The following ANKS1B variants were observed in gnomAD, a reference collection of about 807,000 sequenced individuals.
ANKS1B encodes the protein ankyrin repeat and sterile alpha motif domain-containing protein 1B.
ANKS1B carries 36 observed loss-of-function variants against 148.3 expected under a neutral mutation model. The ratio of observed to expected loss-of-function variants is 0.24; its 90% confidence interval spans 0.19 to 0.32. ANKS1B has a LOEUF of 0.32. ANKS1B is among the 10% of genes least tolerant of loss of function. The pLI is 1.00. For synonymous variants in ANKS1B, 542 were observed against 560.8 expected, an observed-to-expected ratio of 0.97 and a Z score of 0.47; for missense variants, 1,157 against 1,542.6, an observed-to-expected ratio of 0.75 and a Z score of 4.19.
rs78866548 is a variant in ANKS1B at position 99,555,372 on chromosome 12, C to T, written c.1273-50731G>A. Among the ~76,000 whole-genome samples, 7 of 152,254 alleles carry T rather than the reference C, an allele frequency of 4.6e-5. No individual in the cohort carries two copies. In the East Asian group the frequency reaches 1.4e-3, roughly 29 times the overall value. ...CTATATGGTTTTCTAGATATGGAATCACACACCTTCAAACAGAAATAGTTT... is the reference window on the plus strand; with the variant it reads ...CTATATGGTTTTCTAGATATGGAATTACACACCTTCAAACAGAAATAGTTT... On this transcript the variant is annotated intron_variant, in intron 9 of 26. Transcript: ENST00000683438.
intron 1 of ANKS1B, among the ~76,000 whole-genome samples, chr12:99,942,217 G>A (rs987374559): frequency 6.6e-6 from 1 of 152,040 alleles, no homozygotes; most frequent in African/African-American, 2.4e-5. Context: ...AGCAATCAGA[G>A]GCAAAAGGAT....
chr12:99,244,388 A>C lies in ANKS1B; in HGVS notation c.2373T>G (p.Asp791Glu). 1.2e-6 allele frequency: 2 copies of C among 1,607,212 alleles called. No homozygotes were observed. The highest frequency in any genetic ancestry group is 1.7e-5 in the Admixed American group (1 of 58,190). ...CTTTAAGTTCGTTGTTGATTCCAAC[A>C]TCTATGGAACTCATTATTTTGTCAA... ...EEIDKIMSSI[D>E]VGINNELKEM... Residue 791 changes from aspartate (D) to glutamate (E), a missense_variant, in exon 14 of 27, where the codon GAT (aspartate) becomes GAG (glutamate). Coordinates refer to ENST00000683438, the MANE Select transcript of ANKS1B (RefSeq NM_001352186.2).
chr12:99,328,212 G>C (rs1039563018), intron 12 of ANKS1B, among the ~76,000 whole-genome samples: 4 of 151,986 alleles, frequency 2.6e-5, no homozygotes, highest in Admixed American at 6.6e-5. Flanking sequence ...CCAGTTTATT[G>C]CCTTGAGAGA....
chr12:99,408,413 G>A (rs2094583132), intron 11 of ANKS1B, among the ~76,000 whole-genome samples: 1 of 145,592 alleles, frequency 6.9e-6, no homozygotes, highest in Admixed American at 6.8e-5. Context: ...AAGCATCAGG[G>A]AAGCTCTCCA....
chr12:99,171,768 T>C (rs1276372189), intron 14 of ANKS1B, among the ~76,000 whole-genome samples: 1 of 152,128 alleles, frequency 6.6e-6, no homozygotes, highest in African/African-American at 2.4e-5. Context: ...TTTGTTCTTG[T>C]TTTCCCTTCT....
intron 9 of ANKS1B, among the ~76,000 whole-genome samples, chr12:99,574,183 G>A (rs998578328): frequency 6.6e-6 from 1 of 152,048 alleles, no homozygotes; most frequent in Non-Finnish European, 1.5e-5. Context: ...TGAAATCTCT[G>A]TTACAGTTAC....
rs143297575 is a variant in ANKS1B at position 99,855,111 on chromosome 12, A to G, written c.135-29722T>C. Among the ~76,000 whole-genome samples the G allele has an allele frequency of 7.8e-3, 1,185 of 152,300 alleles. 13 individuals are homozygous for G. Among genetic ancestry groups the G allele is most frequent in the African/African-American group, 0.027 (1,121 of 41,574 alleles). ...TTCCACTTAAAAGATACAGAATTGC[A>G]GAATGGATAAGAATTCAACAATAAA... On this transcript the variant is annotated intron_variant, in intron 1 of 26. Coordinates refer to ENST00000683438, the MANE Select transcript of ANKS1B (RefSeq NM_001352186.2).
chr12:99,027,781 C>A (rs1340694001), intron 17 of ANKS1B, among the ~76,000 whole-genome samples: 1 of 152,178 alleles, frequency 6.6e-6, no homozygotes, highest in East Asian at 1.9e-4. Flanking sequence ...TGCAGTTTCC[C>A]CATATGCAAA....
At chr12:99,264,057 T>C (rs2076195870) in intron 12 of ANKS1B, among the ~76,000 whole-genome samples, 1 of 152,296 alleles carries the variant, frequency 6.6e-6, no homozygotes, top group Admixed American at 6.5e-5. Flanking sequence ...AAGTAATCTG[T>C]TTTATTACCT....
chr12:99,678,509 G>A (rs561639104), intron 8 of ANKS1B, among the ~76,000 whole-genome samples: 15 of 152,154 alleles, frequency 9.9e-5, no homozygotes, highest in South Asian at 2.1e-4. Context: ...ACAGATTCCC[G>A]GATAACCACA....
intron 2 of ANKS1B, among the ~76,000 whole-genome samples, chr12:99,817,191 T>A (rs906136462): frequency 1.4e-5 from 2 of 147,818 alleles, no homozygotes; most frequent in African/African-American, 4.9e-5. Flanking sequence ...AAGCCTCCTA[T>A]AAATACCAAT....
intron 9 of ANKS1B, among the ~76,000 whole-genome samples, chr12:99,620,684 C>G (rs1247495638): frequency 6.6e-6 from 1 of 152,014 alleles, no homozygotes; most frequent in East Asian, 1.9e-4. Context: ...GTCTTTTGCA[C>G]TAACCCAGTT....
intron 8 of ANKS1B, among the ~76,000 whole-genome samples, chr12:99,738,398 T>C (rs1428115767): frequency 6.6e-5 from 10 of 152,134 alleles, no homozygotes; most frequent in Admixed American, 6.6e-4. Flanking sequence ...AACTTCTCCA[T>C]ATTTGTTGGG....
chr12:98,750,293 C>A (rs1281801308), intron 26 of ANKS1B, among the ~76,000 whole-genome samples: 1 of 152,072 alleles, frequency 6.6e-6, no homozygotes, highest in Non-Finnish European at 1.5e-5. Context: ...GTGATGGACA[C>A]AGGAGCGAAT....
chr12:98,991,327 G>T (rs771310815), intron 17 of ANKS1B, among the ~76,000 whole-genome samples: 3 of 152,152 alleles, frequency 2.0e-5, no homozygotes, highest in Non-Finnish European at 4.4e-5. Context: ...TGCATATAGG[G>T]TACACAGAAG....
At chr12:99,129,542 G>T (rs1004261007) in intron 15 of ANKS1B, among the ~76,000 whole-genome samples, 1 of 152,174 alleles carries the variant, frequency 6.6e-6, no homozygotes, top group Non-Finnish European at 1.5e-5. Context: ...TTGGTCTTAA[G>T]TGTGTAGGCC....
intron 9 of ANKS1B, among the ~76,000 whole-genome samples, chr12:99,524,562 T>C (rs1356492370): frequency 6.6e-6 from 1 of 152,228 alleles, no homozygotes; most frequent in East Asian, 1.9e-4. Flanking sequence ...TCACTGGTTT[T>C]GGAGCTTGAA....
chr12:98,848,756 T>TTTTTTTTTTTTTTTTTTTTAAG (rs1567129301), intron 17 of ANKS1B, among the ~76,000 whole-genome samples: 1 of 140,596 alleles, frequency 7.1e-6, no homozygotes, highest in Non-Finnish European at 1.5e-5. Context: ...TTTTTTTTTT[T>TTTTTTTTTTTTTTTTTTTTAAG]GAGACGGAGT....
rs570741252 is a variant in ANKS1B, at chr12:99,678,044, C to T, written c.1129-22834G>A. On this transcript the variant is annotated intron_variant, in intron 8 of 26. Transcript: ENST00000683438. ...TGTCTTGGCAAAAATTGCAACACTT[C>T]AATAAGGGAGAATATTTGGCATGCT... Among the ~76,000 whole-genome samples, 4 of 152,182 alleles carry T rather than the reference C, an allele frequency of 2.6e-5. No homozygotes were observed. The East Asian group carries it at 7.7e-4, about 29-fold the overall frequency.
Sources: allele counts gnomAD v4.1 joint callset (sites outside exome capture counted in the v4.1 genomes callset), GRCh38; gene constraint gnomAD v4.1.1; transcripts MANE v1.5; gene names NCBI Gene and HGNC (gene_info 2026-07-23, HGNC 2026-07-21).